The following PDE1C variants were observed in gnomAD, a reference collection of about 807,000 sequenced individuals.
PDE1C encodes dual specificity calcium/calmodulin-dependent 3',5'-cyclic nucleotide phosphodiesterase 1C.
A neutral mutation model predicts 93.1 loss-of-function variants in PDE1C; 62 were observed. That is an observed-to-expected ratio of 0.67 (90% CI 0.54 to 0.82). The LOEUF (loss-of-function observed/expected upper bound fraction) is 0.82. Among genes scored for constraint, PDE1C ranks in the 40% least tolerant of loss-of-function variants. The pLI is 0.00. For missense variants in PDE1C, 742 were observed against 884.6 expected (o/e 0.84, Z 2.04); for synonymous variants, 325 against 310.1 (o/e 1.05, Z -0.50).
intron 3 of PDE1C, among the ~76,000 whole-genome samples, chr7:32,080,713 C>T (rs745739478): frequency 1.3e-5 from 2 of 152,262 alleles, no homozygotes; most frequent in African/African-American, 4.8e-5. Flanking sequence ...TCCTTGGGGA[C>T]ATCTAAATGG....
intron 1 of PDE1C, among the ~76,000 whole-genome samples, chr7:32,346,888 T>C (rs549668829): frequency 6.6e-6 from 1 of 152,300 alleles, no homozygotes. Flanking sequence ...GGGAAAACTA[T>C]AGAATCAGAA....
intron 3 of PDE1C, among the ~76,000 whole-genome samples, chr7:32,125,600 C>T (rs1052044650): frequency 6.6e-6 from 1 of 152,072 alleles, no homozygotes; most frequent in Non-Finnish European, 1.5e-5. Flanking sequence ...CCATAATCCT[C>T]AGCAAACTAA....
rs908342085 is a variant in PDE1C at position 32,280,013 on chromosome 7, G to A, written c.85+18638C>T. Among the ~76,000 whole-genome samples, 7 of 152,198 alleles carry A rather than the reference G, an allele frequency of 4.6e-5. No homozygotes were observed. The South Asian group carries it at 1.2e-3, about 27-fold the overall frequency. On this transcript the variant is annotated intron_variant, in intron 1 of 18. Coordinates refer to the PDE1C transcript ENST00000396193. ...AACAGCATGCACAGAATGATCCCACGGCAAATTGTGAATGTGTGTGTTCAT... is the reference window on the plus strand; with the variant it reads ...AACAGCATGCACAGAATGATCCCACAGCAAATTGTGAATGTGTGTGTTCAT...
intron 1 of PDE1C, among the ~76,000 whole-genome samples, chr7:32,327,841 T>A (rs1157785233): frequency 6.6e-6 from 1 of 150,900 alleles, no homozygotes; most frequent in Non-Finnish European, 1.5e-5. Context: ...TCACTCAAAA[T>A]TCTGTTTCTG....
intron 1 of PDE1C, among the ~76,000 whole-genome samples, chr7:32,405,130 C>T (rs2128096488): frequency 6.6e-6 from 1 of 152,248 alleles, no homozygotes; most frequent in Non-Finnish European, 1.5e-5. Flanking sequence ...TTCTGTTGTA[C>T]AGGTAGTGGG....
intron 2 of PDE1C, among the ~76,000 whole-genome samples, chr7:32,044,059 C>T (rs889037377): frequency 6.6e-6 from 1 of 152,136 alleles, no homozygotes; most frequent in African/African-American, 2.4e-5. Flanking sequence ...ATGCCCAATG[C>T]TTTTGGGGAG....
chr7:32,244,985 G>A (rs1004028973), intron 1 of PDE1C, among the ~76,000 whole-genome samples: 1 of 152,136 alleles, frequency 6.6e-6, no homozygotes, highest in African/African-American at 2.4e-5. Context: ...CAGGCACATT[G>A]GTCCTTGTTT....
At chr7:31,826,718 T>C (rs1221838608) in intron 12 of PDE1C, among the ~76,000 whole-genome samples, 1 of 152,190 alleles carries the variant, frequency 6.6e-6, no homozygotes, top group Admixed American at 6.6e-5. Flanking sequence ...CTCTTCTTTG[T>C]AATCCTGTAG....
chr7:31,762,365 G>T (rs1360692384), intron 17 of PDE1C, among the ~76,000 whole-genome samples: 1 of 151,924 alleles, frequency 6.6e-6, no homozygotes, highest in Non-Finnish European at 1.5e-5. Context: ...TTTTGAGATG[G>T]AGTCTCGCTC....
intron 1 of PDE1C, among the ~76,000 whole-genome samples, chr7:32,221,829 T>A (rs1307606771): frequency 6.6e-6 from 1 of 152,204 alleles, no homozygotes; most frequent in African/African-American, 2.4e-5. Context: ...AGAAGGCATA[T>A]CCAATGCAGA....
chr7:32,138,741 T>C (rs924749976), intron 3 of PDE1C, among the ~76,000 whole-genome samples: 2 of 152,220 alleles, frequency 1.3e-5, no homozygotes, highest in Non-Finnish European at 2.9e-5. Flanking sequence ...CCAGCTTATA[T>C]AGATAAACTG....
intron 1 of PDE1C, among the ~76,000 whole-genome samples, chr7:32,384,037 G>A (rs1784581282): frequency 6.6e-6 from 1 of 152,220 alleles, no homozygotes; most frequent in Non-Finnish European, 1.5e-5. Context: ...ACCCATCTGA[G>A]AAGCTTGTAC....
intron 2 of PDE1C, among the ~76,000 whole-genome samples, chr7:31,968,698 G>A (rs1040341859): frequency 1.3e-5 from 2 of 152,166 alleles, no homozygotes; most frequent in Admixed American, 1.3e-4. Flanking sequence ...CATGCTACCT[G>A]ACTTCAAACT....
intron 16 of PDE1C, among the ~76,000 whole-genome samples, chr7:31,780,803 TTGTGTGTGTG>T (rs55970947): frequency 0.22 from 32,330 of 149,332 alleles, 3,894 homozygotes; most frequent in Middle Eastern, 0.39. Context: ...ACGTGTGCAT[TTGTGTGTGTG>T]TGTGTGTGTG....
At chr7:31,781,782 T>C (rs1426452296) in intron 16 of PDE1C, among the ~76,000 whole-genome samples, 1 of 150,236 alleles carries the variant, frequency 6.7e-6, no homozygotes, top group Non-Finnish European at 1.5e-5. Flanking sequence ...GCTTTTTTCC[T>C]GCACAATACA....
chr7:31,984,907 T>C (rs1024187914), intron 2 of PDE1C, among the ~76,000 whole-genome samples: 11 of 152,262 alleles, frequency 7.2e-5, no homozygotes, highest in African/African-American at 2.6e-4. Flanking sequence ...AGGTTGGAAA[T>C]CTAGGAAGAT....
At chr7:32,317,661 G>A (rs1783204292) in intron 1 of PDE1C, among the ~76,000 whole-genome samples, 1 of 151,786 alleles carries the variant, frequency 6.6e-6, no homozygotes, top group Non-Finnish European at 1.5e-5. Flanking sequence ...CCATAGCCAT[G>A]TTAACGCAGT....
the PDE1C span, among the ~76,000 whole-genome samples, chr7:31,733,566 G>C: frequency 5.3e-5 from 8 of 152,194 alleles, no homozygotes; most frequent in Non-Finnish European, 1.2e-4. Flanking sequence ...CCAGGCTTTT[G>C]CATCTGAATC....
At chr7:31,833,083 C>G (rs1790629269) in intron 11 of PDE1C, among the ~76,000 whole-genome samples, 1 of 152,132 alleles carries the variant, frequency 6.6e-6, no homozygotes, top group East Asian at 1.9e-4. Context: ...GGGGCAGTTT[C>G]CTCCATACTG....
Sources: allele counts gnomAD v4.1 joint callset (sites outside exome capture counted in the v4.1 genomes callset), GRCh38; gene constraint gnomAD v4.1.1; transcripts MANE v1.5; gene names NCBI Gene and HGNC (gene_info 2026-07-23, HGNC 2026-07-21).